ABTB3: variants seen among roughly 807,000 people sequenced by gnomAD.
ABTB3 encodes ankyrin repeat and BTB domain containing 3.
At chr12:107,513,285 A>T in the ABTB3 span, among the ~76,000 whole-genome samples, 3 of 152,012 alleles carry the variant, frequency 2.0e-5, no homozygotes, top group East Asian at 5.8e-4. Context: ...GTAGCATCTG[A>T]TATGGTTTGG....
the ABTB3 span, among the ~76,000 whole-genome samples, chr12:107,338,528 A>T: frequency 2.6e-5 from 4 of 152,188 alleles, no homozygotes; most frequent in Admixed American, 2.6e-4. Flanking sequence ...TTAGTGCTCA[A>T]ATGTCTTGAG....
At chr12:107,637,603 T>G in the ABTB3 span, among the ~76,000 whole-genome samples, 1 of 152,116 alleles carries the variant, frequency 6.6e-6, no homozygotes, top group East Asian at 1.9e-4. Flanking sequence ...CTAGCATAAC[T>G]AAAGGTCACC....
chr12:107,646,271 T>C, the ABTB3 span, among the ~76,000 whole-genome samples: 2 of 152,222 alleles, frequency 1.3e-5, no homozygotes, highest in Non-Finnish European at 2.9e-5. Context: ...CGGCAGAGTT[T>C]GAAGGAGGCC....
the ABTB3 span, among the ~76,000 whole-genome samples, chr12:107,436,415 C>T: frequency 1.3e-5 from 2 of 152,212 alleles, no homozygotes; most frequent in African/African-American, 4.8e-5. Context: ...GTGCAGTGAA[C>T]TCTGGGGCTG....
At chr12:107,327,067 A>G in the ABTB3 span, among the ~76,000 whole-genome samples, 1 of 151,984 alleles carries the variant, frequency 6.6e-6, no homozygotes, top group Non-Finnish European at 1.5e-5. Flanking sequence ...ATCTTTTGTG[A>G]CCTAGTTCTT....
chr12:107,588,667 C>T, the ABTB3 span, among the ~76,000 whole-genome samples: 2 of 152,130 alleles, frequency 1.3e-5, no homozygotes, highest in African/African-American at 4.8e-5. Flanking sequence ...ATTACAGGCA[C>T]GTGCCACCAC....
At chr12:107,334,503 C>T in the ABTB3 span, among the ~76,000 whole-genome samples, 1 of 152,066 alleles carries the variant, frequency 6.6e-6, no homozygotes, top group Non-Finnish European at 1.5e-5. Flanking sequence ...GTGGAAAGAG[C>T]AGGTTTGGAG....
At chr12:107,559,213 G>A in the ABTB3 span, among the ~76,000 whole-genome samples, 1 of 152,222 alleles carries the variant, frequency 6.6e-6, no homozygotes, top group South Asian at 2.1e-4. Context: ...CTGAGTGAGT[G>A]TCATCCTCAG....
chr12:107,563,981 G>A, the ABTB3 span, among the ~76,000 whole-genome samples: 1 of 152,102 alleles, frequency 6.6e-6, no homozygotes, highest in Non-Finnish European at 1.5e-5. Context: ...ATTTATCCTG[G>A]CAGCAATGTG....
At chr12:107,344,962 A>G in the ABTB3 span, among the ~76,000 whole-genome samples, 1 of 152,210 alleles carries the variant, frequency 6.6e-6, no homozygotes, top group South Asian at 2.1e-4. Flanking sequence ...TGGATTAGAA[A>G]GCACTCAACC....
the ABTB3 span, among the ~76,000 whole-genome samples, chr12:107,460,823 A>G: frequency 6.6e-6 from 1 of 152,124 alleles, no homozygotes; most frequent in Non-Finnish European, 1.5e-5. Flanking sequence ...CATATTAAAT[A>G]ATTTTTTAAA....
the ABTB3 span, chr12:107,319,931 A>AACC: frequency 6.6e-7 from 1 of 1,503,768 alleles, no homozygotes; most frequent in East Asian, 2.7e-5. Flanking sequence ...AGCCGCCGCC[A>AACC]ACCACCACCA....
the ABTB3 span, among the ~76,000 whole-genome samples, chr12:107,584,749 T>A: frequency 4.6e-5 from 7 of 152,236 alleles, no homozygotes; most frequent in African/African-American, 1.7e-4. Flanking sequence ...GGTCTGATGC[T>A]GGCACTGCCA....
At chr12:107,432,548 A>T in the ABTB3 span, among the ~76,000 whole-genome samples, 5 of 152,096 alleles carry the variant, frequency 3.3e-5, no homozygotes, top group African/African-American at 1.2e-4. Context: ...TTCATTTGAC[A>T]AATATTTATG....
At chr12:107,623,765 A>G in the ABTB3 span, among the ~76,000 whole-genome samples, 1 of 152,214 alleles carries the variant, frequency 6.6e-6, no homozygotes, top group Non-Finnish European at 1.5e-5. Context: ...GATGGGACAG[A>G]CATGTTCTTT....
the ABTB3 span, among the ~76,000 whole-genome samples, chr12:107,557,197 C>T: frequency 3.2e-4 from 49 of 152,266 alleles, no homozygotes; most frequent in African/African-American, 1.0e-3. Context: ...AGTGTACTTA[C>T]GTAAACCCAG....
At chr12:107,479,179 C>G in the ABTB3 span, among the ~76,000 whole-genome samples, 1,448 of 152,216 alleles carry the variant, frequency 9.5e-3, 35 homozygotes, top group African/African-American at 0.033. Flanking sequence ...AGAGCTCAGA[C>G]TAAACACAAG....
the ABTB3 span, among the ~76,000 whole-genome samples, chr12:107,546,488 T>G: frequency 6.6e-6 from 1 of 152,198 alleles, no homozygotes; most frequent in Non-Finnish European, 1.5e-5. Context: ...GGCTGCATCG[T>G]GAGATTTCTT....
the ABTB3 span, among the ~76,000 whole-genome samples, chr12:107,560,576 G>A: frequency 2.0e-5 from 3 of 152,254 alleles, no homozygotes; most frequent in African/African-American, 4.8e-5. Flanking sequence ...CAGCAAAACC[G>A]GAAACTGGGA....
Sources: allele counts gnomAD v4.1 joint callset (sites outside exome capture counted in the v4.1 genomes callset), GRCh38; gene constraint gnomAD v4.1.1; transcripts MANE v1.5; gene names NCBI Gene and HGNC (gene_info 2026-07-23, HGNC 2026-07-21).